SCARB2: variants seen among roughly 807,000 people sequenced by gnomAD.
SCARB2 encodes the protein scavenger receptor class B member 2.
A neutral mutation model predicts 58.6 loss-of-function variants in SCARB2; 29 were observed. The ratio of observed to expected loss-of-function variants is 0.49; its 90% CI spans 0.37 to 0.67. SCARB2 has a LOEUF of 0.67. SCARB2 is among the 30% of genes least tolerant of loss of function. The probability of loss-of-function intolerance (pLI) is 0.00; values close to 1 mark genes in which losing one functional copy is unlikely to be tolerated. For synonymous variants in SCARB2, 195 were observed against 210.1 expected (o/e 0.93, Z 0.62); for missense variants, 488 against 578.5 (o/e 0.84, Z 1.60).
At chr4:76,215,711 T>C (rs1733194169), upstream of SCARB2, among the ~76,000 whole-genome samples, 1 of 152,102 alleles carries the variant, frequency 6.6e-6, no homozygotes, top group African/African-American at 2.4e-5. Context: ...CACCCCTAAG[T>C]TCAGCTACCC....
intron 8 of SCARB2, among the ~76,000 whole-genome samples, chr4:76,168,740 A>T (rs1029558740): frequency 6.6e-6 from 1 of 152,228 alleles, no homozygotes; most frequent in African/African-American, 2.4e-5. Context: ...GCTCTGATTC[A>T]GTAGACTGGC....
At chr4:76,231,098 C>T (rs897573728) in intron 1 of SCARB2, among the ~76,000 whole-genome samples, 1 of 141,026 alleles carries the variant, frequency 7.1e-6, no homozygotes, top group Non-Finnish European at 1.5e-5. Context: ...AAGGTGAAAC[C>T]GTAGAACTGA....
At chr4:76,209,201 T>C (rs1732990782) in intron 1 of SCARB2, among the ~76,000 whole-genome samples, 1 of 152,034 alleles carries the variant, frequency 6.6e-6, no homozygotes, top group East Asian at 1.9e-4. Context: ...ACTCAGGAGA[T>C]GAGGTAGATA....
At chr4:76,184,268 A>T (rs945083519) in intron 2 of SCARB2, among the ~76,000 whole-genome samples, 3 of 152,196 alleles carry the variant, frequency 2.0e-5, no homozygotes, top group African/African-American at 7.2e-5. Context: ...CCTAACAGGT[A>T]CCTAAGAAAC....
chr4:76,165,072 T>C (rs1731973507), intron 10 of SCARB2: 1 of 152,044 alleles, frequency 6.6e-6, no homozygotes, highest in South Asian at 2.1e-4. Flanking sequence ...AAATTAGAAG[T>C]TGGGGGTGGA....
chr4:76,182,831 G>A (rs1560711455), intron 2 of SCARB2, among the ~76,000 whole-genome samples: 2 of 152,182 alleles, frequency 1.3e-5, no homozygotes, highest in South Asian at 2.1e-4. Flanking sequence ...TGAAAACATC[G>A]TAAGTTGAAA....
intron 7 of SCARB2, among the ~76,000 whole-genome samples, chr4:76,170,804 GCCA>G (rs1374181550): frequency 6.6e-6 from 1 of 152,054 alleles, no homozygotes; most frequent in Admixed American, 6.6e-5. Context: ...ACAGGCTTGA[GCCA>G]CCACACCTGG....
At chr4:76,190,301 T>C (rs1160275191) in intron 2 of SCARB2, among the ~76,000 whole-genome samples, 1 of 152,142 alleles carries the variant, frequency 6.6e-6, no homozygotes, top group East Asian at 1.9e-4. Context: ...TGAGCCACCG[T>C]GCCCAGTCTA....
intron 1 of SCARB2, among the ~76,000 whole-genome samples, chr4:76,230,692 C>T (rs1733477090): frequency 6.6e-6 from 1 of 152,034 alleles, no homozygotes; most frequent in African/African-American, 2.4e-5. Flanking sequence ...GTCCTTCCAT[C>T]CCCGAGTCCA....
chr4:76,234,474 CT>C (rs1733549645), exon 1 of SCARB2: 1 of 152,210 alleles, frequency 6.6e-6, no homozygotes, highest in Admixed American at 6.5e-5. Flanking sequence ...AACAGGGACT[CT>C]TGCTAGGCCA....
chr4:76,170,050 A>G (rs1732097938), intron 7 of SCARB2, 65 bp from the exon 8 acceptor site: 2 of 1,424,348 alleles, frequency 1.4e-6, no homozygotes, highest in African/African-American at 1.4e-5. Flanking sequence ...GCTGAATATA[A>G]AAGTTCCTGG....
At chr4:76,224,628 T>C (rs1398213459) in intron 1 of SCARB2, among the ~76,000 whole-genome samples, 1 of 152,198 alleles carries the variant, frequency 6.6e-6, no homozygotes, top group African/African-American at 2.4e-5. Context: ...AGTGGCATGA[T>C]TTTGGTTCAC....
At chr4:76,215,162 A>T (rs1310958884), upstream of SCARB2, among the ~76,000 whole-genome samples, 2 of 152,374 alleles carry the variant, frequency 1.3e-5, no homozygotes, top group Non-Finnish European at 1.5e-5. Flanking sequence ...ATTTCAGCAG[A>T]GCTCAGCAGT....
At chr4:76,195,603 C>T (rs1203110863) in intron 2 of SCARB2, 104 bp downstream of exon 2, 2 of 954,780 alleles carry the variant, frequency 2.1e-6, no homozygotes, top group Non-Finnish European at 3.4e-6. Flanking sequence ...AGAAAGTGTG[C>T]TCCCACACAG....
intron 4 of SCARB2, chr4:76,179,199 G>A (rs538355891): frequency 1.0e-4 from 37 of 360,954 alleles, no homozygotes; most frequent in Non-Finnish European, 1.8e-4. Context: ...GATTACAGGT[G>A]TACATCACCA....
At chr4:76,181,672 C>T (rs907786355) in intron 2 of SCARB2, among the ~76,000 whole-genome samples, 6 of 152,132 alleles carry the variant, frequency 3.9e-5, no homozygotes, top group African/African-American at 1.4e-4. Flanking sequence ...TCAAACAATC[C>T]TCCCACCTCA....
intron 2 of SCARB2, among the ~76,000 whole-genome samples, chr4:76,182,737 G>A (rs574977057): frequency 6.6e-6 from 1 of 152,308 alleles, no homozygotes; most frequent in South Asian, 2.1e-4. Flanking sequence ...CAGGTAGACT[G>A]CAAGCAAGCT....
At chr4:76,221,610 G>T (rs143368374) in intron 1 of SCARB2, among the ~76,000 whole-genome samples, 2 of 152,030 alleles carry the variant, frequency 1.3e-5, no homozygotes, top group Non-Finnish European at 2.9e-5. Context: ...ATGAGCCACC[G>T]CACCCGGCCT....
intron 2 of SCARB2, among the ~76,000 whole-genome samples, chr4:76,181,668 A>C (rs556661675): frequency 5.3e-4 from 81 of 152,176 alleles, no homozygotes; most frequent in African/African-American, 1.9e-3. Context: ...GGGCTCAAAC[A>C]ATCCTCCCAC....
Sources: gnomAD v4.1 joint callset for allele counts (sites outside exome capture counted in the v4.1 genomes callset) on GRCh38, gnomAD v4.1.1 for gene constraint, MANE v1.5 for transcripts, NCBI Gene and HGNC (gene_info 2026-07-23, HGNC 2026-07-21) for gene names.